MRTFA: variants seen among roughly 807,000 people sequenced by gnomAD.
MRTFA encodes myocardin related transcription factor A.
MRTFA carries 20 observed loss-of-function variants against 83.5 expected under a neutral mutation model. The observed-to-expected ratio is 0.24, with a 90% CI of 0.17 to 0.35. The LOEUF (loss-of-function observed/expected upper bound fraction) is 0.35, where lower values mean the gene tolerates loss of function less well. MRTFA is among the 10% of genes least tolerant of loss of function. MRTFA has a pLI of 1.00. For missense variants in MRTFA, 1,200 were observed against 1,224.7 expected, an observed-to-expected ratio of 0.98 and a Z score of 0.30; for synonymous variants, 659 against 541.2, an observed-to-expected ratio of 1.22 and a Z score of -3.02.
In MRTFA at chr22:40,422,128, CAGGCAGAGGCAG is replaced by C. The variant is rs143872092; in HGVS notation, c.928-1040_928-1029del. Among the ~76,000 whole-genome samples the C allele has an allele frequency of 8.0e-3, 1,210 of 151,354 alleles. 8 individuals are homozygous for C. Among genetic ancestry groups the C allele is most frequent in the Middle Eastern group, 0.028 (8 of 290 alleles). ...ACAGGCTGGGGAGCAGGAAGAAGTA[CAGGCAGAGGCAG>C]AGGCAGAGGCAGAGGCAGAGAGGAG... On this transcript the variant is annotated intron_variant, in intron 9 of 14. Transcript: ENST00000355630.
chr22:40,523,112 TGAA>T (rs1333330076), intron 3 of MRTFA: 1 of 148,368 alleles, frequency 6.7e-6, no homozygotes, highest in African/African-American at 2.5e-5. Context: ...CTTTGAAAAA[TGAA>T]GAAAAATGGC....
chr22:40,432,221 G>A (rs1356648210), intron 5 of MRTFA, among the ~76,000 whole-genome samples: 2 of 152,014 alleles, frequency 1.3e-5, no homozygotes, highest in African/African-American at 4.8e-5. Flanking sequence ...ACTCCAGCCT[G>A]GGCAACAAGA....
intron 3 of MRTFA, among the ~76,000 whole-genome samples, chr22:40,467,868 G>C (rs2053835499): frequency 6.6e-6 from 1 of 152,084 alleles, no homozygotes; most frequent in African/African-American, 2.4e-5. Context: ...AATATATCAT[G>C]TTTCTAAATG....
chr22:40,542,643 TAA>T (rs1388314288), intron 3 of MRTFA, among the ~76,000 whole-genome samples: 1 of 152,180 alleles, frequency 6.6e-6, no homozygotes, highest in Non-Finnish European at 1.5e-5. Context: ...AAAAAAATTT[TAA>T]AAGATATTTA....
chr22:40,418,822 C>G lies in MRTFA; in HGVS notation c.1916G>C (p.Arg639Pro). 1 of 1,610,326 alleles carries G rather than the reference C, an allele frequency of 6.2e-7. No individual in the cohort carries two copies. Residue 639 changes from arginine (R) to proline (P), a missense_variant, in exon 12 of 15, where the codon CGC becomes CCC. Coordinates refer to ENST00000355630, the MANE Select transcript of MRTFA (RefSeq NM_020831.6). The stretch of plus-strand genomic sequence containing the variant: ...CAGCTGCTGCTTCTGCCGGAGCATG[C>G]GCGTCAGCGCCTCGATCTGCTTGTC...
chr22:40,461,448 G>A (rs1404860337), intron 4 of MRTFA, among the ~76,000 whole-genome samples: 2 of 151,648 alleles, frequency 1.3e-5, no homozygotes, highest in Admixed American at 6.6e-5. Flanking sequence ...AGCCCAGGAG[G>A]TTGAGTTCAG....
At chr22:40,457,234 C>G (rs1397836445) in intron 4 of MRTFA, among the ~76,000 whole-genome samples, 1 of 151,638 alleles carries the variant, frequency 6.6e-6, no homozygotes. Flanking sequence ...GCGTGGTGGC[C>G]GGTCCCTGTA....
At chr22:40,606,990 T>A (rs1449981272) in intron 1 of MRTFA, among the ~76,000 whole-genome samples, 1 of 152,206 alleles carries the variant, frequency 6.6e-6, no homozygotes, top group Non-Finnish European at 1.5e-5. Flanking sequence ...AAAATAACTA[T>A]TTTGTTAACA....
At chr22:40,581,888 G>C (rs192462774) in intron 2 of MRTFA, among the ~76,000 whole-genome samples, 369 of 152,120 alleles carry the variant, frequency 2.4e-3, no homozygotes, top group Non-Finnish European at 4.6e-3. Context: ...CAGATAATTT[G>C]GTCTTACTTG....
At chr22:40,468,948 A>C (rs564103882) in intron 3 of MRTFA, among the ~76,000 whole-genome samples, 13 of 152,334 alleles carry the variant, frequency 8.5e-5, no homozygotes, top group Admixed American at 4.6e-4. Flanking sequence ...CTTCACACTA[A>C]AAACATTAAA....
At chr22:40,469,490 C>G (rs1241874058) in intron 3 of MRTFA, among the ~76,000 whole-genome samples, 3 of 152,110 alleles carry the variant, frequency 2.0e-5, no homozygotes, top group Non-Finnish European at 2.9e-5. Flanking sequence ...CTTGTACAGC[C>G]TGAAAAACCA....
At chr22:40,551,425 G>A (rs1226770948) in intron 3 of MRTFA, among the ~76,000 whole-genome samples, 1 of 152,146 alleles carries the variant, frequency 6.6e-6, no homozygotes, top group Non-Finnish European at 1.5e-5. Flanking sequence ...CTGGAGAGCT[G>A]TGGCACAATC....
intron 1 of MRTFA, among the ~76,000 whole-genome samples, chr22:40,614,871 A>T (rs962556183): frequency 9.9e-5 from 15 of 152,182 alleles, no homozygotes; most frequent in African/African-American, 3.6e-4. Flanking sequence ...TTAAATTTTT[A>T]AAGTTTTTTA....
At chr22:40,567,097 G>A (rs1053221937) in intron 2 of MRTFA, among the ~76,000 whole-genome samples, 1 of 152,062 alleles carries the variant, frequency 6.6e-6, no homozygotes, top group African/African-American at 2.4e-5. Context: ...CTTATAAGAA[G>A]GTACTCTGAA....
chr22:40,521,114 C>T (rs1027203019), intron 3 of MRTFA, among the ~76,000 whole-genome samples: 1 of 152,124 alleles, frequency 6.6e-6, no homozygotes, highest in Admixed American at 6.5e-5. Context: ...GCTCATGTAT[C>T]CTTTACTCAG....
chr22:40,456,601 T>C (rs1421813061), intron 4 of MRTFA, among the ~76,000 whole-genome samples: 1 of 152,198 alleles, frequency 6.6e-6, no homozygotes, highest in Non-Finnish European at 1.5e-5. Flanking sequence ...GGTGGGAGGA[T>C]GGTTTGGGCC....
chr22:40,569,716 AATACATACATACATACATACATACATAC>A (rs67146133), intron 2 of MRTFA: 190 of 142,350 alleles, frequency 1.3e-3, no homozygotes, highest in African/African-American at 4.1e-3. Context: ...CTCCATAATT[AATACATACATACATACATACATACATAC>A]ATACATACAT....
chr22:40,519,442 ATGT>A (rs1239448022), intron 3 of MRTFA: 3 of 1,334,330 alleles, frequency 2.2e-6, no homozygotes, highest in East Asian at 4.2e-5. Flanking sequence ...GATGAAGGCG[ATGT>A]TGTTTTAGCG....
intron 3 of MRTFA, among the ~76,000 whole-genome samples, chr22:40,518,811 A>AC (rs886101037): frequency 6.7e-6 from 1 of 148,476 alleles, no homozygotes. Flanking sequence ...AAAAAAAAAA[A>AC]AAAAAAAAAA....
Sources: gnomAD v4.1 joint callset for allele counts (sites outside exome capture counted in the v4.1 genomes callset) on GRCh38, gnomAD v4.1.1 for gene constraint, MANE v1.5 for transcripts, NCBI Gene and HGNC (gene_info 2026-07-23, HGNC 2026-07-21) for gene names.